The following CACNA1D variants were observed in gnomAD, a reference collection of about 807,000 sequenced individuals.
CACNA1D encodes calcium voltage-gated channel subunit alpha1 D, also known as voltage-dependent L-type calcium channel subunit alpha-1D.
CACNA1D carries 55 observed loss-of-function variants against 257.1 expected under a neutral mutation model. The ratio of observed to expected loss-of-function variants is 0.21; its 90% CI spans 0.17 to 0.27. The LOEUF is 0.27. CACNA1D is among the 10% of genes least tolerant of loss of function. CACNA1D has a pLI of 1.00. For missense variants in CACNA1D, 1,876 were observed against 2,784.0 expected (o/e 0.67, Z 7.34); for synonymous variants, 980 against 1,014.9 (o/e 0.97, Z 0.65).
chr3:53,532,793 G>C (rs2091990868), intron 3 of CACNA1D, among the ~76,000 whole-genome samples: 1 of 152,174 alleles, frequency 6.6e-6, no homozygotes, highest in African/African-American at 2.4e-5. Context: ...CAGTGAGTGT[G>C]TTAACAGAAC....
chr3:53,810,402 G>A, intron 47 of CACNA1D, 104 bp downstream of exon 47: 1 of 1,130,934 alleles, frequency 8.8e-7, no homozygotes, highest in Non-Finnish European at 1.3e-6. Context: ...CAGGCTGTGA[G>A]CTAGGCTGCC....
intron 3 of CACNA1D, among the ~76,000 whole-genome samples, chr3:53,587,042 C>G (rs972616174): frequency 1.3e-5 from 2 of 152,010 alleles, no homozygotes; most frequent in Non-Finnish European, 2.9e-5. Flanking sequence ...ACCGTGGGGC[C>G]CCATCTCAGT....
chr3:53,498,710 C>T (rs1249069893), intron 2 of CACNA1D, among the ~76,000 whole-genome samples: 2 of 152,204 alleles, frequency 1.3e-5, no homozygotes, highest in Admixed American at 6.5e-5. Flanking sequence ...CAGCTATTTG[C>T]ATGCCCTCTG....
At chr3:53,742,436 CT>C (rs2095127093) in intron 21 of CACNA1D, among the ~76,000 whole-genome samples, 1 of 152,224 alleles carries the variant, frequency 6.6e-6, no homozygotes, top group African/African-American at 2.4e-5. Flanking sequence ...GAGATGCCAC[CT>C]GGCTTCCTAG....
intron 40 of CACNA1D, chr3:53,796,070 T>C: frequency 7.8e-6 from 2 of 255,656 alleles, no homozygotes; most frequent in Non-Finnish European, 1.6e-5. Flanking sequence ...TGTGATGTGC[T>C]GAGGAGGCGG....
At chr3:53,706,673 A>G (rs1576412970) in intron 9 of CACNA1D, among the ~76,000 whole-genome samples, 1 of 152,148 alleles carries the variant, frequency 6.6e-6, no homozygotes, top group Non-Finnish European at 1.5e-5. Flanking sequence ...TGACATGGAC[A>G]TATTACATAG....
chr3:53,736,899 A>C (rs548269521), intron 20 of CACNA1D, among the ~76,000 whole-genome samples: 7 of 152,050 alleles, frequency 4.6e-5, no homozygotes, highest in South Asian at 4.2e-4. Flanking sequence ...AAAAAAAAAA[A>C]AAAAACAAAA....
intron 3 of CACNA1D, among the ~76,000 whole-genome samples, chr3:53,595,574 C>T (rs7355967): frequency 6.6e-6 from 1 of 152,146 alleles, no homozygotes; most frequent in African/African-American, 2.4e-5. Context: ...GCGGTGCCCC[C>T]TGACCCAACT....
intron 8 of CACNA1D, among the ~76,000 whole-genome samples, chr3:53,680,258 C>T (rs1165274642): frequency 6.6e-6 from 1 of 152,176 alleles, no homozygotes; most frequent in Non-Finnish European, 1.5e-5. Flanking sequence ...TCCCTGGCAA[C>T]AGCAGTGGAC....
At position 53,764,103 on chromosome 3, in the gene CACNA1D, A is replaced by T. The variant is rs376492350; in HGVS notation, c.3870+2022A>T. On this transcript the variant is annotated intron_variant, in intron 30 of 47. Transcript: ENST00000350061. ...ACTCAGATGGTATTTTGCTAGACCTAGGTATACACATATTCCAACTTCTAA... is the reference window on the plus strand; with the variant it reads ...ACTCAGATGGTATTTTGCTAGACCTTGGTATACACATATTCCAACTTCTAA... Among the ~76,000 whole-genome samples, 38 of 152,314 alleles carry T rather than the reference A, an allele frequency of 2.5e-4. No individual in the cohort carries two copies. The East Asian group carries it at 4.4e-3, about 18-fold the overall frequency.
At chr3:53,659,459 CT>C (rs1576263363) in intron 4 of CACNA1D, among the ~76,000 whole-genome samples, 1 of 152,178 alleles carries the variant, frequency 6.6e-6, no homozygotes, top group East Asian at 1.9e-4. Context: ...AGATGTGAGA[CT>C]TTGAAGTCAT....
chr3:53,658,609 C>T (rs999465282), intron 4 of CACNA1D, among the ~76,000 whole-genome samples: 1 of 152,212 alleles, frequency 6.6e-6, no homozygotes, highest in African/African-American at 2.4e-5. Context: ...CTGTGGCTTG[C>T]ACATTTCAGA....
chr3:53,623,410 G>T (rs558158459), intron 3 of CACNA1D, among the ~76,000 whole-genome samples: 9 of 152,210 alleles, frequency 5.9e-5, no homozygotes, highest in Non-Finnish European at 1.3e-4. Flanking sequence ...TGATGGATGG[G>T]TTGAGGGATG....
Position 53,742,990 on chromosome 3 carries a change from C to A in CACNA1D, c.2812-21C>A, listed in dbSNP as rs28365114. On this transcript the variant is annotated intron_variant, in intron 21 of 47. Coordinates refer to ENST00000350061, the MANE Select transcript of CACNA1D (RefSeq NM_001128840.3). ...CCTTTGGAGACAAAAAATGGTAAAT[C>A]ATCCATGATTCTGCTTCTAGATGAC... is the stretch of plus-strand genomic sequence containing the variant. 2.9e-3 allele frequency: 4,366 copies of A among 1,497,754 alleles called. 106 individuals are homozygous for A. The African/African-American group carries it at 0.053, about 18-fold the overall frequency. 92.8% of individuals were successfully genotyped at this position (1,497,754 alleles called of 1,614,324 possible). A position where few individuals can be genotyped will look rare whatever the true frequency, so the allele number is the denominator to read the frequency against.
At chr3:53,706,187 A>T (rs948137674) in intron 9 of CACNA1D, among the ~76,000 whole-genome samples, 3 of 152,172 alleles carry the variant, frequency 2.0e-5, no homozygotes, top group African/African-American at 7.2e-5. Context: ...AGCCCTTTTC[A>T]GCTGGGTCCT....
At position 53,660,241 on chromosome 3, in the gene CACNA1D, G is replaced by A. The variant is rs372345315; in HGVS notation, c.732G>A (p.Val244=). The A allele has an allele frequency of 1.4e-5, 22 of 1,614,114 alleles. No individual in the cohort carries two copies. Among genetic ancestry groups the A allele is most frequent in the Non-Finnish European group, 1.9e-5 (22 of 1,179,982 alleles). Residue 244 remains valine, a synonymous_variant, in exon 5 of 48, where the codon GTG becomes GTA. Coordinates refer to ENST00000350061, the MANE Select transcript of CACNA1D (RefSeq NM_001128840.3). ...TCAAAGCCCTCCGTGCCTTTCGAGTGTTGCGACCACTTCGACTAGTGTCAG... is the reference window on the plus strand; with the variant it reads ...TCAAAGCCCTCCGTGCCTTTCGAGTATTGCGACCACTTCGACTAGTGTCAG... The part of the protein sequence containing the change: ...FDVKALRAFR[V]LRPLRLVSGV...
chr3:53,573,438 G>A (rs1457149918), intron 3 of CACNA1D, among the ~76,000 whole-genome samples: 1 of 152,066 alleles, frequency 6.6e-6, no homozygotes, highest in Admixed American at 6.5e-5. Context: ...TTTAAATACT[G>A]GTATCTATGT....
At position 53,695,952 on chromosome 3, in the gene CACNA1D, G is replaced by A. The variant is rs748396; in HGVS notation, c.1221-6689G>A. Among the ~76,000 whole-genome samples, 1,326 of 152,132 alleles carry A rather than the reference G, an allele frequency of 8.7e-3. 22 individuals carry two copies. The highest frequency in any genetic ancestry group is 0.03 in the African/African-American group (1,261 of 41,460). ...CTGGACTGACAGGAAGCCTGTTTTC[G>A]TTAGTTTTTTTGTTTGTTTGATTGT... On this transcript the variant is annotated intron_variant, in intron 8 of 47. Transcript: ENST00000350061.
chr3:53,639,681 C>T (rs556977692), intron 3 of CACNA1D, among the ~76,000 whole-genome samples: 32 of 152,116 alleles, frequency 2.1e-4, no homozygotes, highest in African/African-American at 2.7e-4. Flanking sequence ...CCACCGCGCC[C>T]GGCTGAGATT....
Sources: gnomAD v4.1 joint callset for allele counts (sites outside exome capture counted in the v4.1 genomes callset) on GRCh38, gnomAD v4.1.1 for gene constraint, MANE v1.5 for transcripts, NCBI Gene and HGNC (gene_info 2026-07-23, HGNC 2026-07-21) for gene names.